ELL: variants seen among roughly 807,000 people sequenced by gnomAD.
ELL encodes the protein RNA polymerase II elongation factor ELL.
In ELL, 18 loss-of-function variants were observed where a neutral mutation model predicts 64.0. That is an observed-to-expected ratio of 0.28 (90% CI 0.19 to 0.42). The LOEUF is 0.42. Ranked by LOEUF, ELL falls within the 10% of genes least tolerant of loss-of-function variation. ELL has a pLI of 1.00. For missense variants in ELL, 797 were observed against 870.4 expected (o/e 0.92, Z 1.06); for synonymous variants, 399 against 376.2 (o/e 1.06, Z -0.70).
chr19:18,519,821 AAAAG>A (rs56926583), intron 1 of ELL, among the ~76,000 whole-genome samples: 34,746 of 137,280 alleles, frequency 0.25, 4,969 homozygotes, highest in African/African-American at 0.46. Context: ...AAAAAAAAAA[AAAAG>A]AAAGAAAGAA....
Position 18,450,703 on chromosome 19 carries a change from G to A in ELL, c.1239C>T (p.His413=), listed in dbSNP as rs547360285. Residue 413 remains histidine, a synonymous_variant, in exon 8 of 12, where the codon CAC becomes CAT. Coordinates refer to ENST00000262809, the MANE Select transcript of ELL (RefSeq NM_006532.4). Reference sequence around the variant, plus strand: ...TGGGGGCTGGGGCAGCCGCCTCTCCGTGCTCACAGTCTCGGCCGCTGTGGC... The same window carrying A: ...TGGGGGCTGGGGCAGCCGCCTCTCCATGCTCACAGTCTCGGCCGCTGTGGC... ...DLGHSGRDCE[H]GEAAAPAPTV... 4.9e-5 allele frequency: 77 copies of A among 1,585,860 alleles called. No individual in the cohort carries two copies. In the Admixed American group the frequency reaches 8.4e-4, roughly 17 times the overall value.
chr19:18,472,419 C>T (rs773152471), intron 2 of ELL: 4 of 190,258 alleles, frequency 2.1e-5, no homozygotes, highest in East Asian at 2.7e-4. Context: ...ATAGGGTTCG[C>T]GCTCCTGTAA....
chr19:18,458,152 C>G, intron 6 of ELL, 53 bp downstream of exon 6: 1 of 1,594,346 alleles, frequency 6.3e-7, no homozygotes. Context: ...TGGGTAAGCT[C>G]TGGCTGCCTT....
chr19:18,446,838 CTGA>C, intron 8 of ELL, 24 bp from the exon 9 acceptor site: 1 of 1,613,738 alleles, frequency 6.2e-7, no homozygotes. Flanking sequence ...CACATACCTC[CTGA>C]GTCTGCGCCC....
At chr19:18,481,050 C>A (rs941458632) in intron 1 of ELL, among the ~76,000 whole-genome samples, 1 of 152,176 alleles carries the variant, frequency 6.6e-6, no homozygotes, top group South Asian at 2.1e-4. Flanking sequence ...GGCCTCTACA[C>A]GCTCCACGCA....
chr19:18,522,002 G>A lies in ELL; in HGVS notation c.54C>T (p.Ser18=), dbSNP rs1412367467. ...RSYGLSCGRV[S]DGSKVSVFHV... is the part of the protein sequence containing the mutation. ...GGAACACCGACACCTTGCTGCCGTC[G>A]CTAACCCGCCCGCACGACAGCCCGT... is the stretch of plus-strand genomic sequence containing the variant. The change falls in exon 1 of 12, where the codon AGC becomes AGT. Residue 18 remains serine, a synonymous_variant. Coordinates refer to ENST00000262809, the MANE Select transcript of ELL (RefSeq NM_006532.4). 6.2e-7 allele frequency: 1 copy of A among 1,610,966 alleles called. No individual in the cohort carries two copies. The highest frequency in any genetic ancestry group is 8.5e-7 in the Non-Finnish European group (1 of 1,178,660).
chr19:18,462,022 A>G (rs986394017), intron 4 of ELL, among the ~76,000 whole-genome samples, 170 bp from the exon 5 acceptor site: 1 of 152,130 alleles, frequency 6.6e-6, no homozygotes, highest in African/African-American at 2.4e-5. Context: ...GGCGACCAAG[A>G]GCGCCACCTG....
intron 1 of ELL, among the ~76,000 whole-genome samples, chr19:18,474,515 ACACGC>A (rs1975136177): frequency 6.6e-6 from 1 of 152,048 alleles, no homozygotes; most frequent in Admixed American, 6.5e-5. Context: ...TGCTTCTCAA[ACACGC>A]CACCCCTCAA....
At chr19:18,496,706 G>A (rs145225732) in intron 1 of ELL, among the ~76,000 whole-genome samples, 179 of 152,336 alleles carry the variant, frequency 1.2e-3, no homozygotes, top group Non-Finnish European at 2.2e-3. Flanking sequence ...CAGGTGGTGC[G>A]GACTGGGGGA....
In ELL at chr19:18,458,418, G is replaced by A. The variant is rs538277192; in HGVS notation, c.745-89C>T. On this transcript the variant is annotated intron_variant, in intron 5 of 11. Transcript: ENST00000262809. ...AAGATCTGATAGTGGGTTTGGGAGG[G>A]TGTGCAGAGACAGTGGGAGACAGAC... is the stretch of plus-strand genomic sequence containing the variant. 18 of 1,544,486 alleles carry A rather than the reference G, an allele frequency of 1.2e-5. 1 individual carries two copies. In the East Asian group the frequency reaches 3.7e-4, roughly 31 times the overall value.
chr19:18,464,397 C>T (rs1258268518), intron 4 of ELL, among the ~76,000 whole-genome samples: 2 of 152,192 alleles, frequency 1.3e-5, no homozygotes, highest in African/African-American at 2.4e-5. Flanking sequence ...ACAAAACACG[C>T]TGTCTCTTCA....
Position 18,465,565 on chromosome 19 carries a change from C to G in ELL, c.316G>C (p.Val106Leu), listed in dbSNP as rs1427908136. 3 of 1,595,302 alleles carry G rather than the reference C, an allele frequency of 1.9e-6. No homozygotes were observed. The South Asian group carries it at 3.3e-5, about 18-fold the overall frequency. The change falls in exon 4 of 12, where the codon GTT becomes CTT. Residue 106 changes from valine to leucine, a missense_variant. By Grantham distance (32) the Val-to-Leu change is conservative. Transcript: ENST00000262809. ...ATGCTGCCCAGGCAGTCCAGGTGAA[C>G]TTCCCCATGACTGCAAGACAAGGCC... The part of the protein sequence containing the change: ...IQQYVSSHGE[V>L]HLDCLGSIQD...
In ELL at chr19:18,444,321, CGAG is replaced by C; in HGVS notation, c.*428_*430del. 2 of 239,210 alleles carry C rather than the reference CGAG, an allele frequency of 8.4e-6. No homozygotes were observed. The highest frequency in any genetic ancestry group is 8.2e-6 in the Non-Finnish European group (1 of 121,350). The allele number at this position is 239,210 out of a possible 1,614,324, so 14.8% of individuals were successfully genotyped here. ...GGGCAGCGGCTAGACCCTGGGTGTCCGAGGAGAGGGAGGCACAGGTTTAGAAAA... is the reference window on the plus strand; with the variant it reads ...GGGCAGCGGCTAGACCCTGGGTGTCCGAGAGGGAGGCACAGGTTTAGAAAA... On this transcript the variant is annotated 3_prime_UTR_variant, in exon 12 of 12. Coordinates refer to ENST00000262809, the MANE Select transcript of ELL (RefSeq NM_006532.4).
intron 1 of ELL, among the ~76,000 whole-genome samples, chr19:18,489,020 G>T (rs1009159546): frequency 6.6e-6 from 1 of 152,226 alleles, no homozygotes; most frequent in African/African-American, 2.4e-5. Context: ...ACCTGCAGGG[G>T]GTGTGGAGGA....
chr19:18,514,234 C>T (rs372821214), intron 1 of ELL, among the ~76,000 whole-genome samples: 3 of 151,940 alleles, frequency 2.0e-5, no homozygotes, highest in East Asian at 1.9e-4. Context: ...AAGTGACAGC[C>T]GGGCACGGTG....
chr19:18,499,655 C>A (rs961855885), intron 1 of ELL, among the ~76,000 whole-genome samples: 65 of 152,120 alleles, frequency 4.3e-4, no homozygotes, highest in African/African-American at 1.5e-3. Flanking sequence ...TGGGAATAAC[C>A]CCATCCTCCC....
Position 18,444,746 on chromosome 19 carries a change from G to A in ELL, c.*6C>T, listed in dbSNP as rs753715583. On this transcript the variant is annotated 3_prime_UTR_variant, in exon 12 of 12. Coordinates refer to ENST00000262809, the MANE Select transcript of ELL (RefSeq NM_006532.4). ...CCTCCCAGATCCCCGCCATCGGGGA[G>A]GGCGGCTAGGGCCAAGCCTGCAGCT... 7 of 1,595,738 alleles carry A rather than the reference G, an allele frequency of 4.4e-6. No individual in the cohort carries two copies. Among genetic ancestry groups the A allele is most frequent in the African/African-American group, 1.3e-5 (1 of 74,876 alleles).
chr19:18,521,397 C>G (rs1568404356), intron 1 of ELL, among the ~76,000 whole-genome samples: 1 of 152,126 alleles, frequency 6.6e-6, no homozygotes, highest in African/African-American at 2.4e-5. Context: ...CCAGACAGAA[C>G]AGACCCCCAC....
rs1277990888 is a variant in ELL at position 18,509,612 on chromosome 19, C to T, written c.135+12309G>A. On this transcript the variant is annotated intron_variant, in intron 1 of 11. Coordinates refer to ENST00000262809, the MANE Select transcript of ELL (RefSeq NM_006532.4). ...GCGCGCGCACATACACACACACACA[C>T]ACACACACACACACACACACACACA... 7.7e-5 allele frequency among the ~76,000 whole-genome samples: 6 copies of T among 78,004 alleles called. 1 individual carries two copies. The highest frequency in any genetic ancestry group is 6.9e-4 in the African/African-American group (6 of 8,718). The allele number at this position is 78,004 out of a possible 152,430, so 51.2% of individuals were successfully genotyped here.
Sources: allele counts gnomAD v4.1 joint callset (sites outside exome capture counted in the v4.1 genomes callset), GRCh38; gene constraint gnomAD v4.1.1; transcripts MANE v1.5; gene names NCBI Gene and HGNC (gene_info 2026-07-23, HGNC 2026-07-21).